ACACA: variants seen among roughly 807,000 people sequenced by gnomAD.
ACACA encodes the protein acetyl-CoA carboxylase 1.
A neutral mutation model predicts 296.1 loss-of-function variants in ACACA; 103 were observed. The observed-to-expected ratio is 0.35, with a 90% CI of 0.30 to 0.41. The LOEUF is 0.41. Among genes scored for constraint, ACACA ranks in the 10% least tolerant of loss-of-function variants. ACACA has a pLI of 1.00. For synonymous variants in ACACA, 953 were observed against 1,038.6 expected (o/e 0.92, Z 1.58); for missense variants, 1,554 against 2,989.7 (o/e 0.52, Z 11.20).
chr17:37,109,222 G>A (rs1435733946), intron 52 of ACACA, among the ~76,000 whole-genome samples: 2 of 152,226 alleles, frequency 1.3e-5, no homozygotes, highest in African/African-American at 2.4e-5. Context: ...ATATCCCTGA[G>A]AGACAGGACT....
At chr17:37,400,728 T>TTGTGTG (rs551347148) in intron 1 of ACACA, among the ~76,000 whole-genome samples, 172 of 146,042 alleles carry the variant, frequency 1.2e-3, no homozygotes, top group African/African-American at 4.0e-3. Context: ...CAGTATTCCA[T>TTGTGTG]TGTGTGTGTG....
intron 48 of ACACA, among the ~76,000 whole-genome samples, chr17:37,123,631 C>T (rs1481185058): frequency 6.6e-6 from 1 of 152,146 alleles, no homozygotes; most frequent in Admixed American, 6.5e-5. Context: ...AAAATGGATT[C>T]CTGTCATCAC....
At chr17:37,236,442 G>C (rs573539549) in intron 24 of ACACA, among the ~76,000 whole-genome samples, 1 of 151,148 alleles carries the variant, frequency 6.6e-6, no homozygotes, top group African/African-American at 2.4e-5. Context: ...GGGGTGAGGG[G>C]AGACATTAAC....
At chr17:37,207,917 C>T (rs2078580152) in intron 30 of ACACA, 117 bp from the exon 31 acceptor site, 1 of 1,308,370 alleles carries the variant, frequency 7.6e-7, no homozygotes, top group African/African-American at 1.5e-5. Flanking sequence ...GGTTGCAGAG[C>T]AGATTTGGTT....
intron 9 of ACACA, among the ~76,000 whole-genome samples, chr17:37,271,107 T>C (rs1442345368): frequency 2.0e-5 from 3 of 152,250 alleles, no homozygotes; most frequent in African/African-American, 7.2e-5. Context: ...CAATTTCTTA[T>C]GGTTCAATCT....
At chr17:37,379,259 G>A in intron 1 of ACACA, 4 of 1,613,992 alleles carry the variant, frequency 2.5e-6, no homozygotes, top group Non-Finnish European at 3.4e-6. Context: ...AAGGCCAAAG[G>A]TCAAGCATAT....
intron 1 of ACACA, among the ~76,000 whole-genome samples, chr17:37,369,886 A>T (rs1442019525): frequency 6.6e-6 from 1 of 151,828 alleles, no homozygotes; most frequent in African/African-American, 2.4e-5. Flanking sequence ...TTGTATTTTT[A>T]GTAGAGACGA....
intron 52 of ACACA, among the ~76,000 whole-genome samples, chr17:37,102,041 A>C (rs2073391031): frequency 6.6e-6 from 1 of 152,154 alleles, no homozygotes. Context: ...ACTGCTGCCA[A>C]GCTGAATACT....
intron 33 of ACACA, among the ~76,000 whole-genome samples, chr17:37,202,680 T>TGAAAGAAA (rs1365484220): frequency 3.2e-4 from 5 of 15,668 alleles, no homozygotes; most frequent in Non-Finnish European, 5.6e-4. Flanking sequence ...TATATATATA[T>TGAAAGAAA]ATATATATAT....
At chr17:37,390,326 A>ATCTC (rs2050812843) in intron 1 of ACACA, among the ~76,000 whole-genome samples, 1 of 72,910 alleles carries the variant, frequency 1.4e-5, no homozygotes, top group Non-Finnish European at 2.3e-5. Context: ...ATATATATAT[A>ATCTC]TATATATAAA....
intron 45 of ACACA, among the ~76,000 whole-genome samples, chr17:37,146,592 A>C (rs1244930243): frequency 4.8e-5 from 7 of 146,546 alleles, no homozygotes; most frequent in African/African-American, 1.5e-4. Context: ...TGCAAATAAC[A>C]ACCTCGTGGT....
At chr17:37,237,167 T>C (rs1200152976) in intron 24 of ACACA, among the ~76,000 whole-genome samples, 1 of 152,212 alleles carries the variant, frequency 6.6e-6, no homozygotes, top group South Asian at 2.1e-4. Flanking sequence ...TTTTTGAGAT[T>C]CATCCTTTTG....
intron 1 of ACACA, among the ~76,000 whole-genome samples, chr17:37,341,113 G>A (rs761684811): frequency 9.9e-5 from 15 of 152,088 alleles, no homozygotes; most frequent in Admixed American, 2.6e-4. Flanking sequence ...TTTAAAGAAG[G>A]TCATATGTAC....
chr17:37,192,006 G>T, intron 37 of ACACA, 84 bp downstream of exon 37: 1 of 1,350,054 alleles, frequency 7.4e-7, no homozygotes, highest in Non-Finnish European at 1.1e-6. Context: ...TCTCTCAGCA[G>T]AAGCATAATA....
At chr17:37,238,654 T>A (rs768205960) in intron 24 of ACACA, among the ~76,000 whole-genome samples, 8 of 152,340 alleles carry the variant, frequency 5.3e-5, no homozygotes, top group Non-Finnish European at 8.8e-5. Context: ...CAGATGAATT[T>A]AGGAAGAATC....
intron 16 of ACACA, among the ~76,000 whole-genome samples, chr17:37,251,096 G>A (rs1346776038): frequency 1.3e-5 from 2 of 151,924 alleles, no homozygotes; most frequent in Non-Finnish European, 2.9e-5. Flanking sequence ...GTGGGTGGGG[G>A]GCTTGTAGAG....
intron 2 of ACACA, 120 bp downstream of exon 2, chr17:37,339,684 A>C (rs559695918): frequency 1.4e-5 from 10 of 695,676 alleles, no homozygotes; most frequent in African/African-American, 1.4e-4. Context: ...ATCCACCCTA[A>C]ATCTGCCTAT....
At chr17:37,301,177 C>G (rs543942997) in intron 3 of ACACA, among the ~76,000 whole-genome samples, 1 of 152,320 alleles carries the variant, frequency 6.6e-6, no homozygotes, top group South Asian at 2.1e-4. Flanking sequence ...CCAAACGGAT[C>G]TTTCTACGAC....
intron 1 of ACACA, among the ~76,000 whole-genome samples, chr17:37,364,077 C>T (rs757854770): frequency 2.0e-5 from 3 of 150,706 alleles, no homozygotes; most frequent in East Asian, 2.0e-4. Context: ...GAGCCGAGAT[C>T]GTGCCACTGC....
Sources: allele counts gnomAD v4.1 joint callset (sites outside exome capture counted in the v4.1 genomes callset), GRCh38; gene constraint gnomAD v4.1.1; transcripts MANE v1.5; gene names NCBI Gene and HGNC (gene_info 2026-07-23, HGNC 2026-07-21).